The following SYT16 variants were observed in gnomAD, a reference collection of about 807,000 sequenced individuals.
SYT16 encodes synaptotagmin 16, also known as synaptotagmin-16.
Under a neutral mutation model 61.4 loss-of-function variants are expected in SYT16, and 42 were observed. The observed-to-expected ratio is 0.68, with a 90% confidence interval of 0.53 to 0.89. SYT16 has a LOEUF of 0.89. SYT16 is among the 40% of genes least tolerant of loss of function. The pLI, the probability that SYT16 is intolerant of heterozygous loss-of-function variation, is 0.00. For synonymous variants in SYT16, 314 were observed against 302.3 expected, an observed-to-expected ratio of 1.04 and a Z score of -0.40; for missense variants, 804 against 807.3, an observed-to-expected ratio of 1.00 and a Z score of 0.05.
intron 1 of SYT16, among the ~76,000 whole-genome samples, chr14:61,913,026 C>T (rs557557312): frequency 6.6e-6 from 1 of 152,148 alleles, no homozygotes; most frequent in Non-Finnish European, 1.5e-5. Context: ...TTCATTTCAT[C>T]CAGATTTTGC....
chr14:61,834,536 T>A (rs1182846554), intron 1 of SYT16, among the ~76,000 whole-genome samples: 1 of 146,058 alleles, frequency 6.8e-6, no homozygotes, highest in Non-Finnish European at 1.5e-5. Context: ...CTCCCGGGTT[T>A]AAGTGATTCT....
At chr14:61,823,574 C>CAAAAAAAA (rs55935256) in intron 1 of SYT16, among the ~76,000 whole-genome samples, 977 of 70,924 alleles carry the variant, frequency 0.014, no homozygotes, top group Non-Finnish European at 0.018. Flanking sequence ...ACTAAAAATA[C>CAAAAAAAA]AAAAAAAAAA....
At chr14:61,861,624 C>T (rs894256241) in intron 1 of SYT16, among the ~76,000 whole-genome samples, 5 of 152,126 alleles carry the variant, frequency 3.3e-5, no homozygotes, top group Admixed American at 6.5e-5. Flanking sequence ...AGGCTGGTCT[C>T]GAATTCCTGG....
intron 1 of SYT16, among the ~76,000 whole-genome samples, chr14:61,816,962 G>A (rs1389278185): frequency 6.7e-6 from 1 of 148,664 alleles, no homozygotes; most frequent in African/African-American, 2.5e-5. Context: ...AGTGAGCCGA[G>A]ATCCTGCCAC....
At chr14:61,986,062 T>G (rs1318261532) in intron 2 of SYT16, among the ~76,000 whole-genome samples, 2 of 152,180 alleles carry the variant, frequency 1.3e-5, no homozygotes, top group Non-Finnish European at 2.9e-5. Flanking sequence ...ATTAAACATA[T>G]TTTTTGAGTT....
At chr14:61,980,949 T>G (rs530330071) in intron 2 of SYT16, among the ~76,000 whole-genome samples, 1 of 117,066 alleles carries the variant, frequency 8.5e-6, no homozygotes, top group Non-Finnish European at 1.7e-5. Flanking sequence ...ACATTGTGTG[T>G]GTGTGTGTGT....
chr14:62,037,592 ATCTC>A (rs1308257204), intron 3 of SYT16, among the ~76,000 whole-genome samples: 2 of 152,190 alleles, frequency 1.3e-5, no homozygotes, highest in African/African-American at 4.8e-5. Flanking sequence ...GTGTTTACTT[ATCTC>A]TCTGTTAGTT....
intron 1 of SYT16, among the ~76,000 whole-genome samples, chr14:61,855,136 A>T (rs2140277399): frequency 6.6e-6 from 1 of 152,350 alleles, no homozygotes; most frequent in Middle Eastern, 3.4e-3. Flanking sequence ...CAAATCAAAG[A>T]CAGAGTCCTT....
chr14:62,004,491 A>C (rs1016700189), intron 3 of SYT16, among the ~76,000 whole-genome samples: 1 of 152,140 alleles, frequency 6.6e-6, no homozygotes, highest in African/African-American at 2.4e-5. Context: ...TCTTAGAAAG[A>C]TCTTAATCAA....
intron 1 of SYT16, among the ~76,000 whole-genome samples, chr14:61,941,100 A>G (rs374310273): frequency 1.5e-4 from 23 of 152,260 alleles, no homozygotes; most frequent in African/African-American, 4.8e-4. Context: ...TTGTTATGTT[A>G]GCTTGGGATC....
chr14:61,959,908 G>C (rs1421154450), intron 1 of SYT16, among the ~76,000 whole-genome samples: 1 of 152,016 alleles, frequency 6.6e-6, no homozygotes, highest in East Asian at 1.9e-4. Flanking sequence ...TGGGTTCACT[G>C]CAGCCTTGAC....
At chr14:61,992,937 C>G (rs2052615728) in intron 2 of SYT16, among the ~76,000 whole-genome samples, 1 of 151,814 alleles carries the variant, frequency 6.6e-6, no homozygotes, top group African/African-American at 2.4e-5. Context: ...GGCTTTTTTT[C>G]TTTAAAACTA....
chr14:61,902,254 A>G (rs2048550447), intron 1 of SYT16, among the ~76,000 whole-genome samples: 1 of 152,166 alleles, frequency 6.6e-6, no homozygotes, highest in African/African-American at 2.4e-5. Flanking sequence ...AGCTCCTCCA[A>G]ATTACTTGCG....
intron 6 of SYT16, among the ~76,000 whole-genome samples, chr14:62,083,372 C>G (rs74054965): frequency 0.049 from 7,407 of 152,216 alleles, 463 homozygotes; most frequent in African/African-American, 0.15. Context: ...GATTGCCTGC[C>G]CCCACAGGGT....
At chr14:61,930,433 C>T (rs916254113) in intron 1 of SYT16, among the ~76,000 whole-genome samples, 7 of 152,010 alleles carry the variant, frequency 4.6e-5, no homozygotes, top group African/African-American at 1.7e-4. Flanking sequence ...AAGTCACTTT[C>T]CATATCTGAC....
chr14:62,112,795 C>T (rs1443057898), downstream of SYT16, among the ~76,000 whole-genome samples: 1 of 152,092 alleles, frequency 6.6e-6, no homozygotes, highest in Non-Finnish European at 1.5e-5. Context: ...TCAACATATA[C>T]CAGTTCAAAT....
intron 2 of SYT16, among the ~76,000 whole-genome samples, chr14:61,980,000 A>C (rs918744491): frequency 2.0e-5 from 3 of 152,260 alleles, no homozygotes; most frequent in Non-Finnish European, 2.9e-5. Context: ...AATGCTCTTT[A>C]GAAAACTGAT....
At chr14:61,857,036 GTATT>G (rs1057295759) in intron 1 of SYT16, among the ~76,000 whole-genome samples, 1 of 152,244 alleles carries the variant, frequency 6.6e-6, no homozygotes, top group African/African-American at 2.4e-5. Context: ...GGTGGACAAG[GTATT>G]TATTTGGGAG....
intron 1 of SYT16, among the ~76,000 whole-genome samples, chr14:61,901,187 C>G (rs1371458212): frequency 1.3e-5 from 2 of 152,202 alleles, no homozygotes; most frequent in Non-Finnish European, 2.9e-5. Context: ...TTGTCTTCAC[C>G]TGGAATGAAT....
Sources: gnomAD v4.1 joint callset for allele counts (sites outside exome capture counted in the v4.1 genomes callset) on GRCh38, gnomAD v4.1.1 for gene constraint, MANE v1.5 for transcripts, NCBI Gene and HGNC (gene_info 2026-07-23, HGNC 2026-07-21) for gene names.